Variants in TNK2 observed in about 807,000 individuals in gnomAD.
TNK2 encodes tyrosine kinase non receptor 2.
In TNK2, 83 loss-of-function variants were observed where a neutral mutation model predicts 101.8. That is an observed-to-expected ratio of 0.82 (90% confidence interval 0.68 to 0.98). The LOEUF (loss-of-function observed/expected upper bound fraction) is 0.98, where lower values mean the gene tolerates loss of function less well. Among genes scored for constraint, TNK2 ranks in the 50% least tolerant of loss-of-function variants. The pLI, the probability that TNK2 is intolerant of heterozygous loss-of-function variation, is 0.00. For missense variants in TNK2, 1,665 were observed against 1,483.2 expected, an observed-to-expected ratio of 1.12 and a Z score of -2.01; for synonymous variants, 804 against 633.0, an observed-to-expected ratio of 1.27 and a Z score of -4.06.
At chr3:195,879,966 G>A (rs1344504579) in intron 6 of TNK2, among the ~76,000 whole-genome samples, 1 of 152,128 alleles carries the variant, frequency 6.6e-6, no homozygotes, top group East Asian at 1.9e-4. Flanking sequence ...ATTACTCCAG[G>A]ACAACGGGCA....
At chr3:195,895,330 G>A (rs1244192993) in intron 1 of TNK2, 3 of 1,571,962 alleles carry the variant, frequency 1.9e-6, no homozygotes, top group Non-Finnish European at 2.6e-6. Flanking sequence ...CTGCGGTCAG[G>A]GAGAGAAGCA....
chr3:195,881,928 G>A (rs1753321792), intron 6 of TNK2, 123 bp downstream of exon 6: 1 of 1,219,530 alleles, frequency 8.2e-7, no homozygotes, highest in Non-Finnish European at 1.1e-6. Flanking sequence ...GGGCACCCCA[G>A]GCTTAGAACA....
At chr3:195,887,117 C>A in intron 2 of TNK2, 70 bp from the exon 3 acceptor site, 1 of 1,539,634 alleles carries the variant, frequency 6.5e-7, no homozygotes, top group South Asian at 1.1e-5. Flanking sequence ...TGCCTGTGGT[C>A]CCCTTGGGGG....
chr3:195,901,293 G>A (rs1414245241), intron 1 of TNK2, among the ~76,000 whole-genome samples: 1 of 152,186 alleles, frequency 6.6e-6, no homozygotes, highest in African/African-American at 2.4e-5. Flanking sequence ...TCTGGGGGAG[G>A]GCAAATGTTA....
chr3:195,885,383 A>G lies in TNK2; in HGVS notation c.235-350T>C. On this transcript the variant is annotated intron_variant, in intron 3 of 15. Transcript: ENST00000672887. The surrounding 1 kb of genome is among the most constrained non-coding windows in gnomAD (Gnocchi z 4.7). ...GTCCTGCCCCACCCTCCCTTCCTGC[A>G]CCCGCCACCCCGCAGACTCCAGCCC... is the stretch of plus-strand genomic sequence containing the variant. 1.5e-6 allele frequency: 2 copies of G among 1,339,256 alleles called. No homozygotes were observed. Among genetic ancestry groups the G allele is most frequent in the Non-Finnish European group, 2.0e-6 (2 of 1,023,656 alleles). The allele number at this position is 1,339,256 out of a possible 1,614,324, so 83.0% of individuals were successfully genotyped here. A position where few individuals can be genotyped will look rare whatever the true frequency, so the allele number is the denominator to read the frequency against.
At position 195,885,063 on chromosome 3, in the gene TNK2, A is replaced by T. The variant is rs186354097; in HGVS notation, c.235-30T>A. 3 of 1,556,104 alleles carry T rather than the reference A, an allele frequency of 1.9e-6. No homozygotes were observed. The highest frequency in any genetic ancestry group is 2.3e-5 in the East Asian group (1 of 44,296). The stretch of plus-strand genomic sequence containing the variant: ...TTGAAGGCAGCCGGGGGCCAGATGG[A>T]ATCCAACACCCCAGGGTCAGTCACT... On this transcript the variant is annotated intron_variant, in intron 3 of 15. Transcript: ENST00000672887. The surrounding 1 kb of genome is among the most constrained non-coding windows in gnomAD (Gnocchi z 4.7).
chr3:195,867,201 A>G lies in TNK2; in HGVS notation c.3001T>C (p.Trp1001Arg). ...ECQAALQCHG[W>R]SVQRAAQYLK... ...TACTGGGCAGCCCTCTGCACGCTCC[A>G]GCCGTGGCACTGCAGGGCCGCCTGG... is the stretch of plus-strand genomic sequence containing the variant. Residue 1001 changes from tryptophan (W) to arginine (R), a missense_variant, in exon 14 of 16, where the codon TGG becomes CGG. Transcript: ENST00000672887. 1 of 1,613,040 alleles carries G rather than the reference A, an allele frequency of 6.2e-7. No individual in the cohort carries two copies. Among genetic ancestry groups the G allele is most frequent in the Non-Finnish European group, 8.5e-7 (1 of 1,179,910 alleles).
intron 6 of TNK2, 91 bp from the exon 7 acceptor site, chr3:195,879,266 G>T: frequency 6.4e-7 from 1 of 1,561,514 alleles, no homozygotes; most frequent in Non-Finnish European, 8.7e-7. Flanking sequence ...GCAAACACTT[G>T]TTGTGACCCC....
At chr3:195,892,712 T>C in intron 1 of TNK2, 1 of 1,391,826 alleles carries the variant, frequency 7.2e-7, no homozygotes, top group South Asian at 1.6e-5. Context: ...GCCGGGATCC[T>C]CTGTCCTGTT....
At chr3:195,864,922 A>T (rs1739590745) in intron 15 of TNK2, among the ~76,000 whole-genome samples, 1 of 134,948 alleles carries the variant, frequency 7.4e-6, no homozygotes. Flanking sequence ...CACCCGAGAC[A>T]GCGACAGACA....
rs201682144 is a variant in TNK2 at position 195,868,282 on chromosome 3, C to T, written c.2016G>A (p.Ala672=). ...CCTGGCTGGGCCCGGCAGGGACCCC[C>T]GCGCCCACGAGGGTGCTGTTGATGG... ...ICSINSTLVG[A]GVPAGPSQGQ... Residue 672 remains alanine, a synonymous_variant, in exon 13 of 16, where the codon GCG becomes GCA. Transcript: ENST00000672887. The T allele has an allele frequency of 4.5e-5, 72 of 1,603,908 alleles. No homozygotes were observed. Among genetic ancestry groups the T allele is most frequent in the South Asian group, 3.6e-4 (33 of 91,074 alleles).
intron 1 of TNK2, among the ~76,000 whole-genome samples, chr3:195,897,789 A>G (rs932973995): frequency 1.4e-5 from 2 of 141,674 alleles, no homozygotes; most frequent in African/African-American, 5.3e-5. Flanking sequence ...GGCATGAGCC[A>G]CTGCGCCTGC....
Position 195,878,500 on chromosome 3 carries a change from A to G in TNK2, c.1107T>C (p.Ala369=). 1.2e-6 allele frequency: 2 copies of G among 1,613,882 alleles called. No individual in the cohort carries two copies. The highest frequency in any genetic ancestry group is 2.2e-5 in the East Asian group (1 of 44,858). Residue 369 remains alanine, a synonymous_variant, in exon 8 of 16, where the codon GCT becomes GCC. Transcript: ENST00000672887. This position sits in a 1 kb window ranked among gnomAD's most constrained non-coding sequence, Gnocchi z 4.7. ...DIYNVMVQCW[A]HKPEDRPTFV... ...ACGTGGGTCTGTCCTCTGGCTTGTG[A>G]GCCCAGCACTGGACCATGACGTTGT...
intron 1 of TNK2, among the ~76,000 whole-genome samples, chr3:195,899,243 A>G (rs540234273): frequency 6.5e-4 from 99 of 152,328 alleles, no homozygotes; most frequent in African/African-American, 2.1e-3. Flanking sequence ...CCTAGCCACA[A>G]ATGGTTATCT....
intron 9 of TNK2, among the ~76,000 whole-genome samples, chr3:195,874,494 C>T (rs1299033411): frequency 6.6e-6 from 1 of 151,444 alleles, no homozygotes; most frequent in African/African-American, 2.4e-5. Context: ...AGAAGCTCCC[C>T]TCGGGATGGC....
At chr3:195,872,199 CGCCCACGCGTGCCGT>C in intron 10 of TNK2, 62 bp downstream of exon 10, 1 of 1,503,042 alleles carries the variant, frequency 6.7e-7, no homozygotes, top group Non-Finnish European at 9.0e-7. Context: ...GAGCAGATTC[CGCCCACGCGTGCCGT>C]GCTGAGGGCC....
chr3:195,864,163 T>G lies in TNK2; in HGVS notation c.*18A>C, dbSNP rs201163197. 1.6e-4 allele frequency: 264 copies of G among 1,613,924 alleles called. 1 individual carries two copies. The African/African-American group carries it at 2.9e-3, about 18-fold the overall frequency. ...AGGTGATTCCTTCAGGCAGGCCCTC[T>G]GGCTCTCCAGACGCATCTCAGCGCC... On this transcript the variant is annotated 3_prime_UTR_variant, in exon 16 of 16. Coordinates refer to ENST00000672887, the MANE Select transcript of TNK2 (RefSeq NM_001382273.1).
Position 195,870,143 on chromosome 3 carries a change from C to G in TNK2, c.1514G>C (p.Arg505Pro). ...DLLSVELSTS[R>P]PPQHLGGVKR... The stretch of plus-strand genomic sequence containing the variant: ...CACCCCTCCTAGATGCTGGGGGGGC[C>G]GGGAGGTGCTCAGTTCCACGCTCAG... Residue 505 changes from arginine to proline, a missense_variant, in exon 11 of 16, where the codon CGG (arginine) becomes CCG (proline). By Grantham distance (103) the Arg-to-Pro change is moderately radical. Around this residue, in one of 3 missense-constraint regions of TNK2, gnomAD observed 1,136 missense variants for 894.9 expected, o/e 1.27. Transcript: ENST00000672887. 1 of 1,478,950 alleles carries G rather than the reference C, an allele frequency of 6.8e-7. No individual in the cohort carries two copies. The highest frequency in any genetic ancestry group is 9.0e-7 in the Non-Finnish European group (1 of 1,108,524). 91.6% of individuals were successfully genotyped at this position (1,478,950 alleles called of 1,614,324 possible).
At position 195,883,145 on chromosome 3, in the gene TNK2, C is replaced by A; in HGVS notation, c.609+12G>T. The A allele has an allele frequency of 6.2e-7, 1 of 1,601,306 alleles. No individual in the cohort carries two copies. The highest frequency in any genetic ancestry group is 1.7e-5 in the Admixed American group (1 of 59,960). On this transcript the variant is annotated intron_variant, in intron 5 of 15. Coordinates refer to ENST00000672887, the MANE Select transcript of TNK2 (RefSeq NM_001382273.1). ...CTCTCCCTGCCCGCCCCCTCCCGCCCGCAGTACTCACCATCTTCATGGGCG... is the reference window on the plus strand; with the variant it reads ...CTCTCCCTGCCCGCCCCCTCCCGCCAGCAGTACTCACCATCTTCATGGGCG...
Sources: allele counts gnomAD v4.1 joint callset (sites outside exome capture counted in the v4.1 genomes callset), GRCh38; gene constraint gnomAD v4.1.1; regional missense constraint gnomAD v4.1.1; non-coding constraint Gnocchi (gnomAD v3.1); transcripts MANE v1.5; gene names NCBI Gene and HGNC (gene_info 2026-07-23, HGNC 2026-07-21).